Variants in PPP2R5D observed in about 807,000 individuals in gnomAD.
PPP2R5D encodes protein phosphatase 2 regulatory subunit B'delta.
PPP2R5D carries 12 observed loss-of-function variants against 79.1 expected under a neutral mutation model. That is an observed-to-expected ratio of 0.15 (90% CI 0.10 to 0.25). The LOEUF is 0.25. PPP2R5D is among the 10% of genes least tolerant of loss of function. The probability of loss-of-function intolerance (pLI) is 1.00; values close to 1 mark genes in which losing one functional copy is unlikely to be tolerated. For missense variants in PPP2R5D, 419 were observed against 760.2 expected, an observed-to-expected ratio of 0.55 and a Z score of 5.28; for synonymous variants, 277 against 286.6, an observed-to-expected ratio of 0.97 and a Z score of 0.34.
chr6:42,995,527 CT>C (rs1368922455), intron 2 of PPP2R5D, among the ~76,000 whole-genome samples: 1 of 150,562 alleles, frequency 6.6e-6, no homozygotes, highest in Non-Finnish European at 1.5e-5. Flanking sequence ...TCTCCTGTGT[CT>C]TTTTTTGCCT....
chr6:43,006,786 A>C lies in PPP2R5D; in HGVS notation c.322+107A>C. ...TTTGCGGGGAAGGGAGTTCCAGAGA[A>C]TGCGGGAAGGGGGTGCCAGGGAGCA... is the stretch of plus-strand genomic sequence containing the variant. On this transcript the variant is annotated intron_variant, in intron 3 of 15. Coordinates refer to ENST00000485511, the MANE Select transcript of PPP2R5D (RefSeq NM_006245.4). This position sits in a 1 kb window ranked among gnomAD's most constrained non-coding sequence, Gnocchi z 4.7. 6.4e-7 allele frequency: 1 copy of C among 1,571,612 alleles called. No homozygotes were observed. Among genetic ancestry groups the C allele is most frequent in the Non-Finnish European group, 8.7e-7 (1 of 1,153,342 alleles).
intron 1 of PPP2R5D, among the ~76,000 whole-genome samples, chr6:42,987,675 C>T (rs1229038496): frequency 1.3e-5 from 2 of 152,152 alleles, no homozygotes; most frequent in East Asian, 3.9e-4. Flanking sequence ...TGTGCTTCAC[C>T]TGTTCTGCAG....
chr6:43,000,040 A>G (rs1382974400), intron 2 of PPP2R5D, among the ~76,000 whole-genome samples: 1 of 151,652 alleles, frequency 6.6e-6, no homozygotes, highest in East Asian at 1.9e-4. Flanking sequence ...GGTTCAAGCG[A>G]TTCTCCTGCC....
At position 43,007,058 on chromosome 6, in the gene PPP2R5D, C is replaced by T. The variant is rs760788341; in HGVS notation, c.470C>T (p.Thr157Ile). ...CTCAACGAGATGGTGGAGTACATCA[C>T]CCATAGCCGTGATGTTGTCACTGAG... ...AGLNEMVEYI[T>I]HSRDVVTEAI... Residue 157 changes from threonine (T) to isoleucine (I), a missense_variant, in exon 4 of 16, where the codon ACC becomes ATC. This residue lies in a region of PPP2R5D where 29 missense variants were observed against 64.2 expected (regional missense o/e 0.45). Transcript: ENST00000485511. This position sits in a 1 kb window ranked among gnomAD's most constrained non-coding sequence, Gnocchi z 4.5. The T allele has an allele frequency of 1.2e-6, 2 of 1,613,996 alleles. No individual in the cohort carries two copies. Among genetic ancestry groups the T allele is most frequent in the Non-Finnish European group, 1.7e-6 (2 of 1,180,026 alleles).
Position 43,009,084 on chromosome 6 carries a change from C to T in PPP2R5D, c.1108C>T (p.Pro370Ser). The T allele has an allele frequency of 6.2e-7, 1 of 1,613,936 alleles. No homozygotes were observed. The highest frequency in any genetic ancestry group is 8.5e-7 in the Non-Finnish European group (1 of 1,179,928). ...AATTGTGGGACTTCTCAAGTTTTGG[C>T]CCAAGACCCACAGCCCCAAGGAGGT... ...PVIVGLLKFW[P>S]KTHSPKEVMF... is the part of the protein sequence containing the mutation. The change falls in exon 11 of 16, where the codon CCC (proline) becomes TCC (serine). Residue 370 changes from proline to serine, a missense_variant. By Grantham distance (74) the Pro-to-Ser change is moderately conservative. Transcript: ENST00000485511. This position sits in a 1 kb window ranked among gnomAD's most constrained non-coding sequence, Gnocchi z 5.6.
At chr6:43,005,953 A>T (rs1390787246) in intron 2 of PPP2R5D, among the ~76,000 whole-genome samples, 1 of 152,162 alleles carries the variant, frequency 6.6e-6, no homozygotes, top group Non-Finnish European at 1.5e-5. Context: ...ACTGTCATAC[A>T]TTCAGTAAAG....
intron 2 of PPP2R5D, among the ~76,000 whole-genome samples, chr6:43,003,723 T>TA (rs1486454574): frequency 1.3e-5 from 2 of 152,024 alleles, no homozygotes; most frequent in Non-Finnish European, 2.9e-5. Flanking sequence ...ATTTTTTTTT[T>TA]ATGTATGTAT....
chr6:42,986,510 A>G (rs918147274), intron 1 of PPP2R5D, among the ~76,000 whole-genome samples: 7 of 152,012 alleles, frequency 4.6e-5, no homozygotes, highest in African/African-American at 1.7e-4. Context: ...GGTTCTAAGT[A>G]CAGGGTTGGT....
chr6:43,008,864 A>G lies in PPP2R5D; in HGVS notation c.1080+118A>G, dbSNP rs1472157295. The G allele has an allele frequency of 4.6e-6, 6 of 1,314,056 alleles. No homozygotes were observed. The highest frequency in any genetic ancestry group is 3.2e-6 in the Non-Finnish European group (3 of 936,072). 81.4% of individuals were successfully genotyped at this position (1,314,056 alleles called of 1,614,324 possible). A position where few individuals can be genotyped will look rare whatever the true frequency, so the allele number is the denominator to read the frequency against. ...GGAGGGCTGTGACCTGACCGGTAACATGGTTTCCTCTCTGAAGGGGAAGCA... is the reference window on the plus strand; with the variant it reads ...GGAGGGCTGTGACCTGACCGGTAACGTGGTTTCCTCTCTGAAGGGGAAGCA... On this transcript the variant is annotated intron_variant, in intron 10 of 15. Transcript: ENST00000485511. The surrounding 1 kb of genome is among the most constrained non-coding windows in gnomAD (Gnocchi z 4.2).
At chr6:43,003,536 A>C (rs1433823323) in intron 2 of PPP2R5D, among the ~76,000 whole-genome samples, 1 of 152,224 alleles carries the variant, frequency 6.6e-6, no homozygotes, top group Non-Finnish European at 1.5e-5. Context: ...GAAAAAAAGC[A>C]GTGTCAGCTT....
chr6:42,986,666 A>G (rs1224705048), intron 1 of PPP2R5D, among the ~76,000 whole-genome samples: 1 of 152,042 alleles, frequency 6.6e-6, no homozygotes, highest in African/African-American at 2.4e-5. Flanking sequence ...ATCAGCCACA[A>G]CAGGGGCTAA....
intron 2 of PPP2R5D, among the ~76,000 whole-genome samples, chr6:42,994,818 CAA>C (rs57606135): frequency 1.8e-4 from 20 of 110,102 alleles, no homozygotes; most frequent in Admixed American, 2.8e-4. Context: ...AACTCCATCT[CAA>C]AAAAAAAAAA....
At chr6:42,990,895 A>G (rs946529183) in intron 2 of PPP2R5D, among the ~76,000 whole-genome samples, 5 of 151,746 alleles carry the variant, frequency 3.3e-5, no homozygotes, top group African/African-American at 9.7e-5. Context: ...TATTTTTAGT[A>G]GAGACGGTGT....
intron 2 of PPP2R5D, among the ~76,000 whole-genome samples, chr6:42,998,018 TATATATA>T (rs1771848044): frequency 1.2e-4 from 1 of 8,186 alleles, no homozygotes; most frequent in Non-Finnish European, 2.4e-4. Flanking sequence ...GTTTTATTTA[TATATATA>T]TATATATATA....
chr6:43,008,994 A>C lies in PPP2R5D; in HGVS notation c.1081-63A>C. On this transcript the variant is annotated intron_variant, in intron 10 of 15. Transcript: ENST00000485511. The surrounding 1 kb of genome is among the most constrained non-coding windows in gnomAD (Gnocchi z 4.2). ...GGGTGGGGGAGAGAGCAGGTAGGAAAACTTCCTGGTGACCTAGGCAGGTGC... is the reference window on the plus strand; with the variant it reads ...GGGTGGGGGAGAGAGCAGGTAGGAACACTTCCTGGTGACCTAGGCAGGTGC... The C allele has an allele frequency of 6.4e-7, 1 of 1,567,022 alleles. No individual in the cohort carries two copies. Among genetic ancestry groups the C allele is most frequent in the South Asian group, 1.2e-5 (1 of 85,290 alleles).
chr6:42,985,132 T>C (rs1172085043), intron 1 of PPP2R5D, among the ~76,000 whole-genome samples: 4 of 151,280 alleles, frequency 2.6e-5, no homozygotes, highest in African/African-American at 9.7e-5. Context: ...CAGCCCCTTG[T>C]CTCCTCTTCC....
At position 43,011,328 on chromosome 6, in the gene PPP2R5D, T is replaced by A; in HGVS notation, c.*42T>A. ...CACAGGGCCACAGCCCACACAGCCC[T>A]GGGACACTGCCCTGGCCCTCCATAC... On this transcript the variant is annotated 3_prime_UTR_variant, in exon 16 of 16. Coordinates refer to ENST00000485511, the MANE Select transcript of PPP2R5D (RefSeq NM_006245.4). 1 of 1,611,554 alleles carries A rather than the reference T, an allele frequency of 6.2e-7. No homozygotes were observed. The highest frequency in any genetic ancestry group is 1.1e-5 in the South Asian group (1 of 90,930).
chr6:42,997,616 TCTC>T (rs1771798948), intron 2 of PPP2R5D, among the ~76,000 whole-genome samples: 1 of 151,258 alleles, frequency 6.6e-6, no homozygotes, highest in Non-Finnish European at 1.5e-5. Context: ...TTCAAGCAAT[TCTC>T]CTGCCTCAAC....
rs369016134 is a variant in PPP2R5D at position 43,011,196 on chromosome 6, G to T, written c.1719G>T (p.Ser573=). ...AGAAAGTGCTGCTGCGGAGGAAGTCGGAGCTGCCCCAGGACGTGTACACCA... is the reference window on the plus strand; with the variant it reads ...AGAAAGTGCTGCTGCGGAGGAAGTCTGAGCTGCCCCAGGACGTGTACACCA... ...KKEKVLLRRK[S]ELPQDVYTIK... is the part of the protein sequence containing the mutation. The change falls in exon 16 of 16, where the codon TCG becomes TCT. Residue 573 remains serine (S), a synonymous_variant. Transcript: ENST00000485511. 6.2e-7 allele frequency: 1 copy of T among 1,614,094 alleles called. No homozygotes were observed. The highest frequency in any genetic ancestry group is 1.1e-5 in the South Asian group (1 of 91,086).
Sources: gnomAD v4.1 joint callset for allele counts (sites outside exome capture counted in the v4.1 genomes callset) on GRCh38, gnomAD v4.1.1 for gene constraint, gnomAD v4.1.1 regional missense constraint, Gnocchi (gnomAD v3.1) non-coding constraint, MANE v1.5 for transcripts, NCBI Gene and HGNC (gene_info 2026-07-23, HGNC 2026-07-21) for gene names.